The following UBE2G2 variants were observed in gnomAD, a reference collection of about 807,000 sequenced individuals.
The protein encoded by UBE2G2 is ubiquitin-conjugating enzyme E2 G2.
Under a neutral mutation model 23.0 loss-of-function variants are expected in UBE2G2, and 10 were observed. The observed-to-expected ratio is 0.43, with a 90% CI of 0.27 to 0.74. The LOEUF is 0.74. Ranked by LOEUF, UBE2G2 falls within the 30% of genes least tolerant of loss-of-function variation. The pLI is 0.19. For missense variants in UBE2G2, 150 were observed against 218.3 expected, an observed-to-expected ratio of 0.69 and a Z score of 1.97; for synonymous variants, 86 against 81.3, an observed-to-expected ratio of 1.06 and a Z score of -0.31.
chr21:44,793,418 G>A (rs1275698052), intron 1 of UBE2G2, among the ~76,000 whole-genome samples: 1 of 152,204 alleles, frequency 6.6e-6, no homozygotes, highest in Non-Finnish European at 1.5e-5. Context: ...CTCCAGACCT[G>A]CTCCTGGCAA....
At chr21:44,789,263 T>A (rs1555962592) in intron 1 of UBE2G2, 1 of 151,672 alleles carries the variant, frequency 6.6e-6, no homozygotes, top group Admixed American at 6.6e-5. Context: ...CATGCACCTG[T>A]AGTCCCAGCT....
intron 1 of UBE2G2, chr21:44,799,961 C>T (rs1354480781): frequency 2.6e-5 from 4 of 152,076 alleles, no homozygotes; most frequent in Non-Finnish European, 4.4e-5. Context: ...AGAGAGAGGC[C>T]GGGAGAGAGA....
chr21:44,778,940 G>A (rs919992514), intron 3 of UBE2G2, among the ~76,000 whole-genome samples: 19 of 151,716 alleles, frequency 1.3e-4, no homozygotes, highest in Non-Finnish European at 1.9e-4. Context: ...ATATGGCACA[G>A]GAAAAAAATA....
At chr21:44,784,873 C>A (rs2082983258) in intron 3 of UBE2G2, among the ~76,000 whole-genome samples, 1 of 152,206 alleles carries the variant, frequency 6.6e-6, no homozygotes, top group East Asian at 1.9e-4. Context: ...GGTCACCAAG[C>A]CAGCTGATTT....
chr21:44,783,633 T>C (rs1462605838), intron 3 of UBE2G2, among the ~76,000 whole-genome samples: 1 of 152,222 alleles, frequency 6.6e-6, no homozygotes, highest in Admixed American at 6.5e-5. Context: ...AGACAGTGTA[T>C]GATTCCACAC....
intron 1 of UBE2G2, chr21:44,800,616 A>G (rs186647699): frequency 6.6e-6 from 1 of 152,354 alleles, no homozygotes; most frequent in East Asian, 1.9e-4. Context: ...TCCCCTCCAG[A>G]TACCAAGGGA....
rs180843581 is a variant in UBE2G2, at chr21:44,771,089, G to A, written c.*288C>T. The A allele has an allele frequency of 6.4e-4, 227 of 353,692 alleles. No individual in the cohort carries two copies. The highest frequency in any genetic ancestry group is 1.0e-3 in the Non-Finnish European group (201 of 191,726). The allele number at this position is 353,692 out of a possible 1,614,324, so 21.9% of individuals were successfully genotyped here. On this transcript the variant is annotated 3_prime_UTR_variant, in exon 6 of 6. Transcript: ENST00000345496. The surrounding 1 kb of genome is among the most constrained non-coding windows in gnomAD (Gnocchi z 4.6). ...GGGAATCCACAGGAAGCCATGAACT[G>A]CTGGTTTCAGCGGGGAGAGGTAGTG...
At position 44,797,499 on chromosome 21, in the gene UBE2G2, G is replaced by A. The variant is rs1309261165; in HGVS notation, c.43+4207C>T. 5.3e-5 allele frequency among the ~76,000 whole-genome samples: 8 copies of A among 151,828 alleles called. No individual in the cohort carries two copies. The East Asian group carries it at 1.4e-3, about 26-fold the overall frequency. On this transcript the variant is annotated intron_variant, in intron 1 of 5. Coordinates refer to ENST00000345496, the MANE Select transcript of UBE2G2 (RefSeq NM_003343.6). Reference sequence around the variant, plus strand: ...TGGGAGGCCGAGGCTGGCGGATCACGAGGTCAGGAGATCGAGACCATCCTG... The same window carrying A: ...TGGGAGGCCGAGGCTGGCGGATCACAAGGTCAGGAGATCGAGACCATCCTG...
In UBE2G2 at chr21:44,771,532, T is replaced by G; in HGVS notation, c.386-43A>C. The stretch of plus-strand genomic sequence containing the variant: ...ACCCTCCATGTAAAAGGGAGTCTTA[T>G]ACGTAAGCAGCCTGGCAAGGTCTCC... On this transcript the variant is annotated intron_variant, in intron 5 of 5. Transcript: ENST00000345496. The surrounding 1 kb of genome is among the most constrained non-coding windows in gnomAD (Gnocchi z 4.6). 6.3e-7 allele frequency: 1 copy of G among 1,588,250 alleles called. No homozygotes were observed. The highest frequency in any genetic ancestry group is 8.6e-7 in the Non-Finnish European group (1 of 1,165,638).
chr21:44,776,547 A>T (rs765018932), intron 4 of UBE2G2, among the ~76,000 whole-genome samples: 45 of 152,282 alleles, frequency 3.0e-4, no homozygotes, highest in Non-Finnish European at 6.2e-4. Context: ...ATTCTAACAT[A>T]TATGATATAG....
chr21:44,787,681 C>T (rs1392777145), intron 3 of UBE2G2, among the ~76,000 whole-genome samples: 2 of 152,212 alleles, frequency 1.3e-5, no homozygotes, highest in East Asian at 3.8e-4. Flanking sequence ...ATATATAATA[C>T]ATATATTACA....
chr21:44,777,226 C>T, intron 4 of UBE2G2, 73 bp downstream of exon 4: 1 of 1,271,472 alleles, frequency 7.9e-7, no homozygotes, highest in Non-Finnish European at 1.1e-6. Context: ...GAATATACCA[C>T]ATTTCAGGTG....
intron 1 of UBE2G2, among the ~76,000 whole-genome samples, chr21:44,790,483 A>G (rs541920925): frequency 3.3e-5 from 5 of 152,322 alleles, no homozygotes; most frequent in African/African-American, 9.6e-5. Flanking sequence ...TTGAATTGTA[A>G]TCTCCAGGTG....
At chr21:44,789,728 A>T (rs1190140994) in intron 1 of UBE2G2, among the ~76,000 whole-genome samples, 1 of 152,204 alleles carries the variant, frequency 6.6e-6, no homozygotes, top group African/African-American at 2.4e-5. Flanking sequence ...TGTCAGAGTC[A>T]ACACGAATGA....
At chr21:44,784,769 C>G (rs1473743766) in intron 3 of UBE2G2, among the ~76,000 whole-genome samples, 1 of 152,162 alleles carries the variant, frequency 6.6e-6, no homozygotes, top group Admixed American at 6.5e-5. Context: ...CCAAACACAC[C>G]ATTCAGTAAA....
intron 4 of UBE2G2, 135 bp from the exon 5 acceptor site, chr21:44,773,822 G>T: frequency 8.0e-7 from 1 of 1,247,668 alleles, no homozygotes; most frequent in Non-Finnish European, 1.1e-6. Context: ...CTGGGGCATA[G>T]CCTGGGGCCC....
At chr21:44,799,532 G>T (rs2083118974) in intron 1 of UBE2G2, among the ~76,000 whole-genome samples, 1 of 152,172 alleles carries the variant, frequency 6.6e-6, no homozygotes, top group Admixed American at 6.5e-5. Context: ...ACCTCTGTTA[G>T]CTCCCAATTT....
intron 1 of UBE2G2, among the ~76,000 whole-genome samples, chr21:44,793,720 T>C (rs1221300167): frequency 6.6e-6 from 1 of 152,238 alleles, no homozygotes; most frequent in African/African-American, 2.4e-5. Flanking sequence ...CCACTTAAAA[T>C]AGTGGCTTAA....
intron 1 of UBE2G2, among the ~76,000 whole-genome samples, chr21:44,793,303 G>A (rs369009813): frequency 1.3e-5 from 2 of 152,188 alleles, no homozygotes; most frequent in African/African-American, 4.8e-5. Context: ...AGAAGAGCTC[G>A]TACCAAAGAG....
Sources: gnomAD v4.1 joint callset for allele counts (sites outside exome capture counted in the v4.1 genomes callset) on GRCh38, gnomAD v4.1.1 for gene constraint, Gnocchi (gnomAD v3.1) non-coding constraint, MANE v1.5 for transcripts, NCBI Gene and HGNC (gene_info 2026-07-23, HGNC 2026-07-21) for gene names.